Variants in SH3D19 observed in about 807,000 individuals in gnomAD.
The protein encoded by SH3D19 is SH3 domain-containing protein 19.
In SH3D19, 58 loss-of-function variants were observed where a neutral mutation model predicts 112.1. That is an observed-to-expected ratio of 0.52 (90% CI 0.42 to 0.64). The LOEUF (loss-of-function observed/expected upper bound fraction) is 0.64. Ranked by LOEUF, SH3D19 falls within the 30% of genes least tolerant of loss-of-function variation. The pLI is 0.00. For synonymous variants in SH3D19, 391 were observed against 448.5 expected, an observed-to-expected ratio of 0.87 and a Z score of 1.62; for missense variants, 1,090 against 1,263.4, an observed-to-expected ratio of 0.86 and a Z score of 2.08.
intron 2 of SH3D19, among the ~76,000 whole-genome samples, chr4:151,195,717 G>T (rs1763361927): frequency 6.6e-6 from 1 of 151,858 alleles, no homozygotes; most frequent in Admixed American, 6.6e-5. Flanking sequence ...ATGTTGGAAT[G>T]ATGTTGCACA....
intron 2 of SH3D19, among the ~76,000 whole-genome samples, chr4:151,212,745 T>G (rs1003517059): frequency 1.8e-4 from 27 of 152,238 alleles, no homozygotes; most frequent in Admixed American, 3.3e-4. Context: ...AGGAGTTATT[T>G]TGACTTTGAA....
intron 1 of SH3D19, among the ~76,000 whole-genome samples, chr4:151,234,977 T>C (rs1769926412): frequency 6.6e-6 from 1 of 152,064 alleles, no homozygotes; most frequent in South Asian, 2.1e-4. Flanking sequence ...CTCGAACTCC[T>C]GGGCTCAAGT....
Position 151,254,297 on chromosome 4 carries a change from T to TTTTATTTA in SH3D19, c.113-28219_113-28212dup, listed in dbSNP as rs76523570. ...TACCTTGAATTATTATTTTTTTTAT[T>TTTTATTTA]TTTATTTATTTATTTATTTATTTTT... On this transcript the variant is annotated intron_variant, in intron 1 of 19. Coordinates refer to ENST00000604030, the MANE Select transcript of SH3D19 (RefSeq NM_001378122.1). 2.7e-3 allele frequency among the ~76,000 whole-genome samples: 404 copies of TTTTATTTA among 149,822 alleles called. 3 individuals carry two copies. Among genetic ancestry groups the TTTTATTTA allele is most frequent in the African/African-American group, 7.5e-3 (311 of 41,264 alleles).
intron 3 of SH3D19, among the ~76,000 whole-genome samples, chr4:151,184,574 T>C (rs535750751): frequency 2.7e-4 from 41 of 152,154 alleles, no homozygotes; most frequent in African/African-American, 7.7e-4. Context: ...TTCCCTTTGT[T>C]TCATATCCTC....
intron 1 of SH3D19, among the ~76,000 whole-genome samples, chr4:151,286,854 C>G (rs1774839214): frequency 6.6e-6 from 1 of 151,704 alleles, no homozygotes; most frequent in Non-Finnish European, 1.5e-5. Context: ...GTGGCATGTG[C>G]CTGTATTCCC....
At chr4:151,293,924 T>G (rs1300284612) in intron 1 of SH3D19, among the ~76,000 whole-genome samples, 15 of 152,240 alleles carry the variant, frequency 9.9e-5, no homozygotes, top group Admixed American at 9.8e-4. Flanking sequence ...CCTGCTGCCC[T>G]TGTCTAGTTA....
intron 1 of SH3D19, among the ~76,000 whole-genome samples, chr4:151,257,376 C>A (rs1250512702): frequency 1.3e-5 from 2 of 152,284 alleles, no homozygotes; most frequent in East Asian, 3.9e-4. Context: ...GAGTGAGTCA[C>A]CATGCCCAGG....
chr4:151,284,267 TTC>T (rs1221445455), intron 1 of SH3D19, among the ~76,000 whole-genome samples: 1 of 152,242 alleles, frequency 6.6e-6, no homozygotes. Context: ...TTTTATGTTT[TTC>T]TCTCTGTTCT....
chr4:151,320,102 G>A (rs999480495), intron 1 of SH3D19, among the ~76,000 whole-genome samples: 9 of 152,198 alleles, frequency 5.9e-5, no homozygotes, highest in African/African-American at 2.2e-4. Context: ...TGAACACAGT[G>A]AATGTTCTTC....
chr4:151,270,097 A>C (rs1320633327), intron 1 of SH3D19, among the ~76,000 whole-genome samples: 1 of 152,170 alleles, frequency 6.6e-6, no homozygotes, highest in Admixed American at 6.5e-5. Context: ...ACACTGTAAA[A>C]TAATGATTAA....
intron 1 of SH3D19, among the ~76,000 whole-genome samples, chr4:151,250,379 T>G (rs1771269487): frequency 6.6e-6 from 1 of 152,154 alleles, no homozygotes; most frequent in Non-Finnish European, 1.5e-5. Flanking sequence ...TAGAATGATA[T>G]ATAGAATATT....
In SH3D19 at chr4:151,248,908, A is replaced by T. The variant is rs576718331; in HGVS notation, c.113-22822T>A. Among the ~76,000 whole-genome samples, 205 of 152,262 alleles carry T rather than the reference A, an allele frequency of 1.3e-3. 1 individual carries two copies. Among genetic ancestry groups the T allele is most frequent in the African/African-American group, 4.5e-3 (187 of 41,532 alleles). On this transcript the variant is annotated intron_variant, in intron 1 of 19. Transcript: ENST00000604030. ...AATTTATACTGATTAATTTTTTTTT[A>T]AATTCAGGAACTAAAGTAACTAAGT...
chr4:151,240,366 G>A (rs1561393432), intron 1 of SH3D19, among the ~76,000 whole-genome samples: 1 of 151,596 alleles, frequency 6.6e-6, no homozygotes, highest in Non-Finnish European at 1.5e-5. Flanking sequence ...AGCTATGATT[G>A]CACTACTGCA....
intron 12 of SH3D19, chr4:151,140,279 A>G (rs1236903908): frequency 1.3e-5 from 2 of 154,064 alleles, no homozygotes; most frequent in African/African-American, 4.8e-5. Flanking sequence ...AGAAAGTTCT[A>G]TGATTTATGC....
intron 1 of SH3D19, among the ~76,000 whole-genome samples, chr4:151,321,986 G>A (rs186548676): frequency 2.4e-4 from 37 of 152,214 alleles, no homozygotes; most frequent in African/African-American, 7.0e-4. Context: ...GTCAGGTCAG[G>A]CAATTAAGGA....
At position 151,136,036 on chromosome 4, in the gene SH3D19, A is replaced by C. The variant is rs1201264724; in HGVS notation, c.2428-904T>G. 2.1e-5 allele frequency among the ~76,000 whole-genome samples: 3 copies of C among 145,176 alleles called. No individual in the cohort carries two copies. In the South Asian group the frequency reaches 6.4e-4, roughly 31 times the overall value. On this transcript the variant is annotated intron_variant, in intron 14 of 19. Coordinates refer to ENST00000604030, the MANE Select transcript of SH3D19 (RefSeq NM_001378122.1). ...CAAAACAAAACAAAACAAAACAAAA[A>C]CAACTTGTGGATTCTCTTCACATTT...
chr4:151,268,530 T>C (rs1029240313), intron 1 of SH3D19, among the ~76,000 whole-genome samples: 2 of 150,494 alleles, frequency 1.3e-5, no homozygotes, highest in African/African-American at 2.4e-5. Context: ...CATGCTGGTG[T>C]GCTGCACCCA....
At chr4:151,239,788 T>C (rs904201818) in intron 1 of SH3D19, among the ~76,000 whole-genome samples, 23 of 152,230 alleles carry the variant, frequency 1.5e-4, no homozygotes, top group African/African-American at 7.2e-5. Context: ...TTCATTCTTT[T>C]ATACTTCTCC....
chr4:151,138,006 A>T, intron 13 of SH3D19, 144 bp from the exon 14 acceptor site: 2 of 566,884 alleles, frequency 3.5e-6, no homozygotes, highest in South Asian at 5.0e-5. Context: ...AAATTGACTT[A>T]AAAAATGCTA....
Sources: allele counts gnomAD v4.1 joint callset (sites outside exome capture counted in the v4.1 genomes callset), GRCh38; gene constraint gnomAD v4.1.1; transcripts MANE v1.5; gene names NCBI Gene and HGNC (gene_info 2026-07-23, HGNC 2026-07-21).